The following COL13A1 variants were observed in gnomAD, a reference collection of about 807,000 sequenced individuals.
COL13A1 encodes collagen type XIII alpha 1 chain.
A neutral mutation model predicts 130.9 loss-of-function variants in COL13A1; 89 were observed. That is an observed-to-expected ratio of 0.68 (90% CI 0.57 to 0.81). The LOEUF (loss-of-function observed/expected upper bound fraction) is 0.81. Ranked by LOEUF, COL13A1 falls within the 30% of genes least tolerant of loss-of-function variation. COL13A1 has a pLI of 0.00. For synonymous variants in COL13A1, 402 were observed against 341.6 expected (o/e 1.18, Z -1.95); for missense variants, 879 against 934.6 (o/e 0.94, Z 0.78).
chr10:69,886,313 A>G (rs1177313100), intron 7 of COL13A1, among the ~76,000 whole-genome samples: 1 of 152,258 alleles, frequency 6.6e-6, no homozygotes, highest in Non-Finnish European at 1.5e-5. Context: ...TGTTACCTCT[A>G]TTCTATAGAT....
At chr10:69,808,831 G>A (rs901445559) in intron 1 of COL13A1, among the ~76,000 whole-genome samples, 3 of 152,328 alleles carry the variant, frequency 2.0e-5, no homozygotes, top group East Asian at 1.9e-4. Context: ...AGCTCTCCTC[G>A]CAGCGTCCCC....
At position 69,894,586 on chromosome 10, in the gene COL13A1, C is replaced by T. The variant is rs2061468582; in HGVS notation, c.630+8C>T. ...GGTCCCCCAGGACAGCCGGTTGGTA[C>T]CTCATCCATCTATTTCCCAGCAGAG... On this transcript the variant is annotated splice_region_variant and intron_variant, in intron 11 of 40. Transcript: ENST00000645393. 6.2e-7 allele frequency: 1 copy of T among 1,613,994 alleles called. No individual in the cohort carries two copies. The highest frequency in any genetic ancestry group is 2.2e-5 in the East Asian group (1 of 44,872).
intron 17 of COL13A1, among the ~76,000 whole-genome samples, chr10:69,909,999 T>A (rs2063188480): frequency 6.6e-6 from 1 of 152,218 alleles, no homozygotes; most frequent in Admixed American, 6.5e-5. Context: ...GGCCAGTCTG[T>A]CTTTGCACCC....
chr10:69,932,502 G>A (rs76521405), intron 30 of COL13A1, 58 bp from the exon 31 acceptor site: 35,736 of 1,277,032 alleles, frequency 0.028, 737 homozygotes, highest in South Asian at 0.085. Context: ...GTGAGGGTGC[G>A]TCTGTCCCAG....
chr10:69,802,559 G>T lies in COL13A1; in HGVS notation c.136G>T (p.Gly46Trp). The T allele has an allele frequency of 1.2e-6, 2 of 1,609,502 alleles. No homozygotes were observed. ...GARLPSPGSCGLLTLALCSLA... is the reference protein window; with the variant it reads ...GARLPSPGSCWLLTLALCSLA... The stretch of plus-strand genomic sequence containing the variant: ...ACGGCTGCCGAGTCCAGGGTCGTGC[G>T]GGCTGCTGACGCTGGCCCTCTGCTC... The change falls in exon 1 of 41, where the codon GGG becomes TGG. Residue 46 changes from glycine (G) to tryptophan (W), a missense_variant. By Grantham distance (184) the Gly-to-Trp change is radical. This residue lies in a region of COL13A1 where 715 missense variants were observed against 721.0 expected (regional missense o/e 0.99). Transcript: ENST00000645393.
intron 21 of COL13A1, among the ~76,000 whole-genome samples, chr10:69,921,559 C>A (rs905918058): frequency 6.6e-6 from 1 of 152,342 alleles, no homozygotes; most frequent in East Asian, 1.9e-4. Flanking sequence ...TCCCAGGAGA[C>A]CGCCAGGATG....
chr10:69,827,689 T>A (rs72805132), intron 2 of COL13A1, among the ~76,000 whole-genome samples: 1,684 of 152,340 alleles, frequency 0.011, 8 homozygotes, highest in Non-Finnish European at 0.015. Context: ...TGGGTTGTAA[T>A]GGCCTCTCCA....
chr10:69,824,046 T>C, intron 2 of COL13A1: 1 of 468,494 alleles, frequency 2.1e-6, no homozygotes, highest in South Asian at 1.6e-5. Flanking sequence ...GCAGGATATT[T>C]GAAGCCACAG....
intron 5 of COL13A1, 102 bp from the exon 6 acceptor site, chr10:69,877,937 C>A (rs988689620): frequency 1.2e-5 from 8 of 679,350 alleles, no homozygotes; most frequent in Non-Finnish European, 1.9e-5. Context: ...GGTTGTTGTG[C>A]TATGAACATG....
intron 2 of COL13A1, among the ~76,000 whole-genome samples, chr10:69,852,648 G>A (rs1470355566): frequency 1.3e-5 from 2 of 152,268 alleles, no homozygotes; most frequent in Non-Finnish European, 2.9e-5. Context: ...GAAGTCCTCT[G>A]ACGAGCCTTG....
chr10:69,873,171 A>G (rs2059244117), intron 4 of COL13A1, among the ~76,000 whole-genome samples: 1 of 152,126 alleles, frequency 6.6e-6, no homozygotes, highest in Admixed American at 6.5e-5. Context: ...TCCCTGTACC[A>G]AAGGCCACAT....
At position 69,904,948 on chromosome 10, in the gene COL13A1, C is replaced by G. The variant is rs1473734085; in HGVS notation, c.874C>G (p.Pro292Ala). The G allele has an allele frequency of 1.3e-6, 2 of 1,554,688 alleles. No individual in the cohort carries two copies. The highest frequency in any genetic ancestry group is 2.8e-5 in the African/African-American group (2 of 72,374). ...GCTTCCACAGGGCTTACCTGGGCCT[C>G]CTGGACCAAAGGTGAGTGTCCTTCT... Reference protein sequence around the residue: ...PMGPPGLPGPPGPKGDPGIQG... With the variant: ...PMGPPGLPGPAGPKGDPGIQG... Residue 292 changes from proline (P) to alanine (A), a missense_variant, in exon 16 of 41, where the codon CCT becomes GCT. Physicochemically the swap from Pro to Ala is conservative, Grantham distance 27. This residue lies in a region of COL13A1 where 715 missense variants were observed against 721.0 expected (regional missense o/e 0.99). Coordinates refer to ENST00000645393, the MANE Select transcript of COL13A1 (RefSeq NM_001368882.1).
intron 21 of COL13A1, among the ~76,000 whole-genome samples, chr10:69,920,943 A>T (rs1383876343): frequency 3.3e-5 from 5 of 152,118 alleles, no homozygotes; most frequent in African/African-American, 1.2e-4. Flanking sequence ...CAGCATCTCT[A>T]AGGGGCTCTT....
intron 2 of COL13A1, among the ~76,000 whole-genome samples, chr10:69,823,511 G>T (rs529188160): frequency 3.7e-4 from 57 of 152,336 alleles, no homozygotes; most frequent in Admixed American, 1.4e-3. Flanking sequence ...CACTAGCAGG[G>T]TGCTCACTGG....
chr10:69,923,880 G>A (rs543309845), intron 24 of COL13A1, 25 bp downstream of exon 24: 21 of 1,607,982 alleles, frequency 1.3e-5, no homozygotes, highest in Non-Finnish European at 1.7e-5. Flanking sequence ...ACATCCCAGA[G>A]CTGCAAGATG....
Position 69,927,098 on chromosome 10 carries a change from G to A in COL13A1, c.1410G>A (p.Thr470=), listed in dbSNP as rs375564285. 54 of 1,613,884 alleles carry A rather than the reference G, an allele frequency of 3.3e-5. No individual in the cohort carries two copies. Among genetic ancestry groups the A allele is most frequent in the Admixed American group, 6.7e-5 (4 of 60,022 alleles). ...NINEALQEIR[T]LALMGPPGLP... ...TGTTGGTTTTTTAGGAGATCCGGAC[G>A]CTGGCCTTGATGGTAAGTTTTGCTC... is the stretch of plus-strand genomic sequence containing the variant. Residue 470 remains threonine (T), a synonymous_variant, in exon 27 of 41, where the codon ACG becomes ACA. Coordinates refer to ENST00000645393, the MANE Select transcript of COL13A1 (RefSeq NM_001368882.1).
chr10:69,837,022 G>A lies in COL13A1; in HGVS notation c.364+14584G>A, dbSNP rs1850270381. ...AGCAGGTACTGGGCAGCTGTGCCGT[G>A]TGTTCCCGAGACCTGCCTGTTTGTG... On this transcript the variant is annotated intron_variant, in intron 2 of 40. Transcript: ENST00000645393. Among the ~76,000 whole-genome samples the A allele has an allele frequency of 3.3e-5, 5 of 152,148 alleles. No homozygotes were observed. In the South Asian group the frequency reaches 1.0e-3, roughly 32 times the overall value.
chr10:69,859,346 T>C (rs1857325289), intron 2 of COL13A1, among the ~76,000 whole-genome samples: 1 of 152,226 alleles, frequency 6.6e-6, no homozygotes, highest in South Asian at 2.1e-4. Flanking sequence ...GATACAGGCC[T>C]GGTTGTCAAA....
intron 1 of COL13A1, among the ~76,000 whole-genome samples, chr10:69,813,780 G>A (rs889668719): frequency 2.0e-5 from 3 of 152,174 alleles, no homozygotes; most frequent in African/African-American, 7.2e-5. Context: ...GCTACGAGTG[G>A]GCCTGTCCCT....
Sources: gnomAD v4.1 joint callset for allele counts (sites outside exome capture counted in the v4.1 genomes callset) on GRCh38, gnomAD v4.1.1 for gene constraint, gnomAD v4.1.1 regional missense constraint, MANE v1.5 for transcripts, NCBI Gene and HGNC (gene_info 2026-07-23, HGNC 2026-07-21) for gene names.